The following ENPP6 variants were observed in gnomAD, a reference collection of about 807,000 sequenced individuals.
The protein encoded by ENPP6 is glycerophosphocholine cholinephosphodiesterase ENPP6.
In ENPP6, 32 loss-of-function variants were observed where a neutral mutation model predicts 42.0. The ratio of observed to expected loss-of-function variants is 0.76; its 90% CI spans 0.58 to 1.02. The LOEUF (loss-of-function observed/expected upper bound fraction) is 1.02, where lower values mean the gene tolerates loss of function less well. Among genes scored for constraint, ENPP6 ranks in the 50% least tolerant of loss-of-function variants. ENPP6 has a pLI of 0.00. For missense variants in ENPP6, 552 were observed against 566.8 expected, an observed-to-expected ratio of 0.97 and a Z score of 0.27; for synonymous variants, 213 against 216.0, an observed-to-expected ratio of 0.99 and a Z score of 0.12.
chr4:184,205,319 C>T (rs1434087906), intron 1 of ENPP6, among the ~76,000 whole-genome samples: 2 of 152,180 alleles, frequency 1.3e-5, no homozygotes, highest in South Asian at 2.1e-4. Context: ...GGAGAGAGAG[C>T]GCTGGTGGGG....
chr4:184,150,398 C>A (rs1185089158), intron 2 of ENPP6, among the ~76,000 whole-genome samples: 1 of 151,840 alleles, frequency 6.6e-6, no homozygotes, highest in African/African-American at 2.4e-5. Flanking sequence ...ATTTTCCAGG[C>A]CTCACCGAGA....
intron 1 of ENPP6, among the ~76,000 whole-genome samples, chr4:184,212,386 C>A (rs2083058206): frequency 6.7e-6 from 1 of 149,560 alleles, no homozygotes; most frequent in African/African-American, 2.5e-5. Flanking sequence ...GCAACTTCAG[C>A]AAAGTCTCAG....
intron 1 of ENPP6, among the ~76,000 whole-genome samples, chr4:184,160,791 G>A (rs1360461158): frequency 6.6e-6 from 1 of 152,056 alleles, no homozygotes; most frequent in Non-Finnish European, 1.5e-5. Flanking sequence ...ATAACTGCAG[G>A]CATCTCTACC....
intron 6 of ENPP6, among the ~76,000 whole-genome samples, chr4:184,108,981 C>T (rs189852244): frequency 9.0e-4 from 137 of 152,314 alleles, no homozygotes; most frequent in African/African-American, 3.1e-3. Flanking sequence ...GAGGCCAAGG[C>T]GGGCAGATCA....
intron 1 of ENPP6, among the ~76,000 whole-genome samples, chr4:184,198,027 G>A (rs899039305): frequency 2.6e-5 from 4 of 152,216 alleles, no homozygotes; most frequent in African/African-American, 9.7e-5. Context: ...ATGAAGATGA[G>A]GGGAGAGGAC....
chr4:184,097,103 A>T (rs1474823019), intron 7 of ENPP6, 142 bp downstream of exon 7: 1 of 1,242,932 alleles, frequency 8.0e-7, no homozygotes, highest in Non-Finnish European at 1.1e-6. Context: ...TGTTTCATGG[A>T]GACCGGCTGG....
intron 1 of ENPP6, among the ~76,000 whole-genome samples, chr4:184,195,305 A>T (rs1732778343): frequency 6.6e-6 from 1 of 151,970 alleles, no homozygotes; most frequent in African/African-American, 2.4e-5. Flanking sequence ...GATAGGCCCC[A>T]GTGTGTGTTG....
intron 1 of ENPP6, among the ~76,000 whole-genome samples, chr4:184,208,893 AC>A (rs1368205595): frequency 5.6e-5 from 8 of 143,638 alleles, no homozygotes; most frequent in Non-Finnish European, 1.1e-4. Context: ...AGATCTGAGA[AC>A]GGGCAGACTG....
rs62340149 is a variant in ENPP6 at position 184,147,055 on chromosome 4, C to T, written c.421+6499G>A. ...TCTCTGAGCTTCAGACCTGCCGGCT[C>T]GACGTCCCAGAGCCAACTCCGAATT... On this transcript the variant is annotated intron_variant, in intron 2 of 7. Transcript: ENST00000296741. 9.2e-3 allele frequency among the ~76,000 whole-genome samples: 1,405 copies of T among 152,262 alleles called. 7 individuals carry two copies. Among genetic ancestry groups the T allele is most frequent in the Non-Finnish European group, 0.015 (1,045 of 68,010 alleles).
chr4:184,158,069 T>G (rs976879650), intron 1 of ENPP6, among the ~76,000 whole-genome samples: 1 of 152,226 alleles, frequency 6.6e-6, no homozygotes, highest in Non-Finnish European at 1.5e-5. Flanking sequence ...ACTCAACATG[T>G]ATTTATTAGA....
chr4:184,110,291 G>T (rs1166886856), intron 6 of ENPP6, among the ~76,000 whole-genome samples: 1 of 152,144 alleles, frequency 6.6e-6, no homozygotes, highest in East Asian at 1.9e-4. Context: ...TCAGATCTCA[G>T]AACCAAAGCT....
chr4:184,195,874 C>G (rs1732785889), intron 1 of ENPP6, among the ~76,000 whole-genome samples: 1 of 152,248 alleles, frequency 6.6e-6, no homozygotes, highest in African/African-American at 2.4e-5. Context: ...CTTAGACTCT[C>G]ATCTGACCCA....
chr4:184,184,037 C>T lies in ENPP6; in HGVS notation c.242-30304G>A, dbSNP rs913141036. Among the ~76,000 whole-genome samples the T allele has an allele frequency of 2.0e-5, 3 of 152,160 alleles. No homozygotes were observed. The highest frequency in any genetic ancestry group is 1.3e-4 in the Admixed American group (2 of 15,274). The stretch of plus-strand genomic sequence containing the variant: ...ACATGGTGCAGCCTTCATCCGTCAG[C>T]GTCTGTGAATGACTACATGGAGCGA... On this transcript the variant is annotated intron_variant, in intron 1 of 7. Coordinates refer to ENST00000296741, the MANE Select transcript of ENPP6 (RefSeq NM_153343.4). The surrounding 1 kb of genome is among the most constrained non-coding windows in gnomAD (Gnocchi z 4.7).
intron 5 of ENPP6, among the ~76,000 whole-genome samples, chr4:184,116,189 C>T (rs950180856): frequency 6.6e-6 from 1 of 152,186 alleles, no homozygotes; most frequent in Admixed American, 6.5e-5. Flanking sequence ...CGCCACTGCA[C>T]TCCAGCCTGG....
At chr4:184,166,312 CA>C (rs1737346727) in intron 1 of ENPP6, among the ~76,000 whole-genome samples, 1 of 151,784 alleles carries the variant, frequency 6.6e-6, no homozygotes, top group African/African-American at 2.4e-5. Context: ...GTAGGGACTG[CA>C]ACAAAAATAA....
At chr4:184,166,142 G>T (rs1263920714) in intron 1 of ENPP6, among the ~76,000 whole-genome samples, 1 of 152,106 alleles carries the variant, frequency 6.6e-6, no homozygotes, top group Non-Finnish European at 1.5e-5. Flanking sequence ...TAAAGAAGTG[G>T]TTTCCAATGA....
chr4:184,102,590 C>A (rs143162748), intron 6 of ENPP6, among the ~76,000 whole-genome samples: 33 of 152,350 alleles, frequency 2.2e-4, no homozygotes, highest in African/African-American at 7.9e-4. Flanking sequence ...CTGTGTCCTG[C>A]ATCCCTAAAT....
At chr4:184,127,992 T>C (rs941004030) in intron 2 of ENPP6, among the ~76,000 whole-genome samples, 3 of 152,142 alleles carry the variant, frequency 2.0e-5, no homozygotes, top group African/African-American at 7.2e-5. Context: ...ATTCTAGATA[T>C]TGATTTAAAA....
intron 1 of ENPP6, among the ~76,000 whole-genome samples, chr4:184,202,773 T>A (rs922176324): frequency 6.6e-6 from 1 of 152,168 alleles, no homozygotes; most frequent in Non-Finnish European, 1.5e-5. Flanking sequence ...CCTGAGCTAT[T>A]CTAAGACAGA....
Sources: gnomAD v4.1 joint callset for allele counts (sites outside exome capture counted in the v4.1 genomes callset) on GRCh38, gnomAD v4.1.1 for gene constraint, Gnocchi (gnomAD v3.1) non-coding constraint, MANE v1.5 for transcripts, NCBI Gene and HGNC (gene_info 2026-07-23, HGNC 2026-07-21) for gene names.